Variants in RPL3 observed in about 807,000 individuals in gnomAD.
The protein encoded by RPL3 is large ribosomal subunit protein uL3.
Under a neutral mutation model 46.0 loss-of-function variants are expected in RPL3, and 3 were observed. The ratio of observed to expected loss-of-function variants is 0.07; its 90% CI spans 0.03 to 0.17. The LOEUF is 0.17. Ranked by LOEUF, RPL3 falls within the 10% of genes least tolerant of loss-of-function variation. RPL3 has a pLI of 1.00. For synonymous variants in RPL3, 224 were observed against 190.8 expected (o/e 1.17, Z -1.43); for missense variants, 387 against 532.7 (o/e 0.73, Z 2.69).
intron 2 of RPL3, 199 bp from the exon 3 acceptor site, chr22:39,317,828 C>T (rs1922801365): frequency 7.0e-6 from 4 of 574,784 alleles, no homozygotes; most frequent in Non-Finnish European, 3.1e-6. Flanking sequence ...AATATCAGGA[C>T]CCTAGACAGC....
chr22:39,317,720 G>C (rs747267855), intron 2 of RPL3, 91 bp from the exon 3 acceptor site: 2 of 1,479,548 alleles, frequency 1.4e-6, no homozygotes, highest in Non-Finnish European at 1.9e-6. Flanking sequence ...CATTTAGGCC[G>C]GAAGGGCAAC....
intron 1 of RPL3, chr22:39,319,235 C>T: frequency 1.9e-6 from 1 of 514,838 alleles, no homozygotes; most frequent in South Asian, 1.6e-5. Context: ...CCGAGAACCT[C>T]CACCCAAGGT....
chr22:39,318,204 A>G (rs989490069), intron 2 of RPL3, 196 bp downstream of exon 2: 3 of 589,516 alleles, frequency 5.1e-6, no homozygotes, highest in Admixed American at 7.3e-5. Context: ...TAAAGCAAAC[A>G]GTGCTGACCA....
rs1416447056 is a variant in RPL3, at chr22:39,318,449, G to A, written c.147C>T (p.Tyr49=). The change falls in exon 2 of 10, where the codon TAC becomes TAT. Residue 49 remains tyrosine, a synonymous_variant. Transcript: ENST00000216146. ...KPVHLTAFLG[Y]KAGMTHIVRE... ...GCACGATGTGAGTCATGCCAGCCTT[G>A]TATCCCAGGAAGGCTGTGAGGTGGA... The A allele has an allele frequency of 3.1e-6, 5 of 1,613,944 alleles. No homozygotes were observed. The Admixed American group carries it at 6.7e-5, about 22-fold the overall frequency.
chr22:39,318,741 C>T, intron 1 of RPL3, 149 bp from the exon 2 acceptor site: 2 of 652,502 alleles, frequency 3.1e-6, no homozygotes, highest in Non-Finnish European at 5.2e-6. Context: ...TTATCTCTTC[C>T]AGGCTCGCAC....
chr22:39,317,574 C>G lies in RPL3; in HGVS notation c.252G>C (p.Met84Ile). The change falls in exon 3 of 10, where the codon ATG becomes ATC. Residue 84 changes from methionine to isoleucine, a missense_variant. Physicochemically the swap from Met to Ile is conservative, Grantham distance 10. Around this residue, in one of 5 missense-constraint regions of RPL3, gnomAD observed 196 missense variants for 217.5 expected, o/e 0.90. Coordinates refer to ENST00000216146, the MANE Select transcript of RPL3 (RefSeq NM_000967.4). ...EAVTIVETPP[M>I]VVVGIVGYVE... Reference sequence around the variant, plus strand: ...CGTAGCCCACAATGCCCACAACCACCATGGGTGGTGTCTCTACAATGGTCA... The same window carrying G: ...CGTAGCCCACAATGCCCACAACCACGATGGGTGGTGTCTCTACAATGGTCA... 6.2e-7 allele frequency: 1 copy of G among 1,613,978 alleles called. No homozygotes were observed. Among genetic ancestry groups the G allele is most frequent in the Non-Finnish European group, 8.5e-7 (1 of 1,179,872 alleles).
rs538895172 is a variant in RPL3 at position 39,317,752 on chromosome 22, G to A, written c.197-123C>T. ...CAACTGGGCCCCACACCTGCAGTAC[G>A]GACTCACAGGGCTGTCCTTACTGCC... On this transcript the variant is annotated intron_variant, in intron 2 of 9. Transcript: ENST00000216146. 31 of 1,018,952 alleles carry A rather than the reference G, an allele frequency of 3.0e-5. No individual in the cohort carries two copies. The East Asian group carries it at 4.4e-4, about 14-fold the overall frequency. 63.1% of individuals were successfully genotyped at this position (1,018,952 alleles called of 1,614,324 possible).
chr22:39,313,980 C>A (rs930395537), intron 7 of RPL3, 127 bp downstream of exon 7: 1 of 889,588 alleles, frequency 1.1e-6, no homozygotes, highest in East Asian at 2.4e-5. Flanking sequence ...ATGCCACTTA[C>A]AAGGGACACA....
Position 39,318,396 on chromosome 22 carries a change from A to T in RPL3, c.196+4T>A, listed in dbSNP as rs377411841. ...CCCCCAACTTTTAGGATGTCTGTAC[A>T]TACTGGATCCCGGCCTGTCGACTTC... On this transcript the variant is annotated splice_donor_region_variant and intron_variant, in intron 2 of 9. Transcript: ENST00000216146. 6.2e-7 allele frequency: 1 copy of T among 1,613,438 alleles called. No homozygotes were observed. The highest frequency in any genetic ancestry group is 1.3e-5 in the African/African-American group (1 of 74,850).
intron 1 of RPL3, chr22:39,319,348 C>A: frequency 1.6e-6 from 1 of 610,946 alleles, no homozygotes; most frequent in Non-Finnish European, 2.9e-6. Context: ...AACGCCGGGC[C>A]TCCAAGCCTG....
chr22:39,317,281 C>A lies in RPL3; in HGVS notation c.365+180G>T, dbSNP rs1922761265. Reference sequence around the variant, plus strand: ...GGACTCAGAATGAGGGTGTTAGCTTCCGGCTGAAACCAGATGGCTGGCCAA... The same window carrying A: ...GGACTCAGAATGAGGGTGTTAGCTTACGGCTGAAACCAGATGGCTGGCCAA... On this transcript the variant is annotated intron_variant, in intron 3 of 9. Coordinates refer to ENST00000216146, the MANE Select transcript of RPL3 (RefSeq NM_000967.4). 7.8e-5 allele frequency: 56 copies of A among 715,502 alleles called. No individual in the cohort carries two copies. In the South Asian group the frequency reaches 1.1e-3, roughly 14 times the overall value. The allele number at this position is 715,502 out of a possible 1,614,324, so 44.3% of individuals were successfully genotyped here. A position where few individuals can be genotyped will look rare whatever the true frequency, so the allele number is the denominator to read the frequency against.
Position 39,314,785 on chromosome 22 carries a change from C to T in RPL3, c.750G>A (p.Lys250=), listed in dbSNP as rs1405328601. The T allele has an allele frequency of 6.2e-7, 1 of 1,613,698 alleles. No individual in the cohort carries two copies. Among genetic ancestry groups the T allele is most frequent in the Admixed American group, 1.7e-5 (1 of 59,994 alleles). The part of the protein sequence containing the change: ...LPRKTHRGLR[K]VACIGAWHPA... ...GATGCCATGCCCCAATACAGGCCAC[C>T]TTGCGCAGGCCTCGGTGGGTCTTGC... is the stretch of plus-strand genomic sequence containing the variant. Residue 250 remains lysine (K), a synonymous_variant, in exon 6 of 10, where the codon AAG becomes AAA. Coordinates refer to ENST00000216146, the MANE Select transcript of RPL3 (RefSeq NM_000967.4).
Position 39,314,803 on chromosome 22 carries a change from G to T in RPL3, c.732C>A (p.Thr244=). 6.2e-7 allele frequency: 1 copy of T among 1,613,776 alleles called. No individual in the cohort carries two copies. Among genetic ancestry groups the T allele is most frequent in the African/African-American group, 1.3e-5 (1 of 74,978 alleles). ...RWHTKKLPRK[T]HRGLRKVACI... The stretch of plus-strand genomic sequence containing the variant: ...AGGCCACCTTGCGCAGGCCTCGGTG[G>T]GTCTTGCGGGGCAGCTTCTTGGTGT... The change falls in exon 6 of 10, where the codon ACC becomes ACA. Residue 244 remains threonine (T), a synonymous_variant. Coordinates refer to ENST00000216146, the MANE Select transcript of RPL3 (RefSeq NM_000967.4).
chr22:39,318,895 A>T (rs971830648), intron 1 of RPL3: 8 of 454,328 alleles, frequency 1.8e-5, no homozygotes, highest in Non-Finnish European at 2.6e-5. Context: ...CTTAACAGGC[A>T]GCTTTATATG....
At chr22:39,316,183 G>C (rs1025328694) in intron 4 of RPL3, among the ~76,000 whole-genome samples, 5 of 151,876 alleles carry the variant, frequency 3.3e-5, no homozygotes, top group African/African-American at 1.2e-4. Flanking sequence ...AGGTTGCAGT[G>C]AGCTGAGATA....
rs779014473 is a variant in RPL3, at chr22:39,315,408, T to A, written c.649A>T (p.Ile217Phe). Reference sequence around the variant, plus strand: ...CCCTTGGTCACCCCGATGACGTCGATCATCTCATCCTGCCCAAACACTTGG... The same window carrying A: ...CCCTTGGTCACCCCGATGACGTCGAACATCTCATCCTGCCCAAACACTTGG... ...VNQVFGQDEM[I>F]DVIGVTKGKG... Residue 217 changes from isoleucine to phenylalanine, a missense_variant, in exon 5 of 10, where the codon ATC becomes TTC. By Grantham distance (21) the Ile-to-Phe change is conservative. Around this residue, in one of 5 missense-constraint regions of RPL3, gnomAD observed 48 missense variants for 80.7 expected, o/e 0.60. Transcript: ENST00000216146. 6.2e-7 allele frequency: 1 copy of A among 1,613,986 alleles called. No homozygotes were observed. The highest frequency in any genetic ancestry group is 8.5e-7 in the Non-Finnish European group (1 of 1,180,042).
intron 6 of RPL3, 36 bp from the exon 7 acceptor site, chr22:39,314,244 A>T: frequency 6.4e-7 from 1 of 1,560,842 alleles, no homozygotes; most frequent in Non-Finnish European, 8.8e-7. Context: ...CTGGGGCATT[A>T]GGGACAAATA....
intron 6 of RPL3, 74 bp from the exon 7 acceptor site, chr22:39,314,282 C>T: frequency 8.1e-7 from 1 of 1,233,356 alleles, no homozygotes; most frequent in Non-Finnish European, 1.2e-6. Flanking sequence ...TGCTGACCTG[C>T]AAAGCACGCT....
At chr22:39,317,425 C>T (rs1360517409) in intron 3 of RPL3, 36 bp downstream of exon 3, 1 of 1,597,636 alleles carries the variant, frequency 6.3e-7, no homozygotes, top group Non-Finnish European at 8.6e-7. Context: ...AGCTCCCAAG[C>T]TCCCAAGCTA....
Sources: gnomAD v4.1 joint callset for allele counts (sites outside exome capture counted in the v4.1 genomes callset) on GRCh38, gnomAD v4.1.1 for gene constraint, gnomAD v4.1.1 regional missense constraint, MANE v1.5 for transcripts, NCBI Gene and HGNC (gene_info 2026-07-23, HGNC 2026-07-21) for gene names.